Variants in OTC observed in about 807,000 individuals in gnomAD.
OTC encodes ornithine transcarbamylase, mitochondrial.
In OTC, 3 loss-of-function variants were observed where a neutral mutation model predicts 30.3. The observed-to-expected ratio is 0.10, with a 90% CI of 0.05 to 0.26. OTC has a LOEUF of 0.26. Ranked by LOEUF, OTC falls within the 10% of genes least tolerant of loss-of-function variation. OTC has a pLI of 1.00. For synonymous variants in OTC, 111 were observed against 99.7 expected (o/e 1.11, Z -0.67); for missense variants, 194 against 260.3 (o/e 0.75, Z 1.75).
upstream of OTC, among the ~76,000 whole-genome samples, chrX:38,348,897 G>C (rs2068201847): frequency 8.9e-6 from 1 of 111,752 alleles, no homozygotes; most frequent in South Asian, 3.7e-4. Context: ...TTGTTTTGAA[G>C]AGCTAGTTAT....
At chrX:38,362,925 T>C (rs1672380475) in intron 1 of OTC, among the ~76,000 whole-genome samples, 1 of 112,392 alleles carries the variant, frequency 8.9e-6, no homozygotes, top group African/African-American at 3.2e-5. Context: ...TCTATTTCTC[T>C]GAGATTCAAC....
intron 4 of OTC, among the ~76,000 whole-genome samples, chrX:38,385,195 G>T (rs901332114): frequency 9.0e-6 from 1 of 111,573 alleles, no homozygotes; most frequent in Non-Finnish European, 1.9e-5. Flanking sequence ...ACTTGAACCC[G>T]GGAGGTGGAG....
At chrX:38,352,344 G>A (rs757137572), upstream of OTC, among the ~76,000 whole-genome samples, 4 of 111,772 alleles carry the variant, frequency 3.6e-5, no homozygotes, top group Admixed American at 1.9e-4. Flanking sequence ...AGCCGGTACC[G>A]CAGTGCCTTG....
chrX:38,352,564 G>A (rs1165859734), upstream of OTC: 2 of 522,031 alleles, frequency 3.8e-6, no homozygotes, highest in African/African-American at 4.6e-5. Context: ...TGATAAGGAA[G>A]CTGAAGGGTG....
intron 4 of OTC, among the ~76,000 whole-genome samples, chrX:38,399,661 C>T (rs1376279442): frequency 2.7e-5 from 3 of 110,544 alleles, no homozygotes; most frequent in East Asian, 2.9e-4. Context: ...GTGAGAGAAT[C>T]GATTGTACCT....
intron 4 of OTC, among the ~76,000 whole-genome samples, chrX:38,385,910 C>G (rs2068400327): frequency 1.8e-5 from 2 of 110,663 alleles, no homozygotes; most frequent in African/African-American, 6.6e-5. Flanking sequence ...GCCTGGCCAA[C>G]ATGGTGAAAC....
intron 9 of OTC, among the ~76,000 whole-genome samples, chrX:38,413,323 T>C (rs2068552882): frequency 8.9e-6 from 1 of 112,286 alleles, no homozygotes; most frequent in Non-Finnish European, 1.9e-5. Context: ...ATTACCCTCA[T>C]TATCATCATC....
At chrX:38,406,014 A>G (rs2068514580) in intron 6 of OTC, among the ~76,000 whole-genome samples, 1 of 112,512 alleles carries the variant, frequency 8.9e-6, no homozygotes, top group Non-Finnish European at 1.9e-5. Flanking sequence ...TATTAACATC[A>G]AAGGAAAAAA....
Position 38,360,943 on chromosome X carries a change from A to G in OTC, c.78-6348A>G, listed in dbSNP as rs930249529. Among the ~76,000 whole-genome samples the G allele has an allele frequency of 1.7e-4, 19 of 112,339 alleles. No individual in the cohort carries two copies. In the East Asian group the frequency reaches 3.1e-3, roughly 18 times the overall value. ...TCATTCAGTTTGCATACAGACAGCA[A>G]AGAGTATATAGCTGTGCTGCCTCCT... On this transcript the variant is annotated intron_variant, in intron 1 of 9. Coordinates refer to ENST00000039007, the MANE Select transcript of OTC (RefSeq NM_000531.6).
chrX:38,403,502 T>C, intron 5 of OTC, 116 bp from the exon 6 acceptor site: 2 of 810,903 alleles, frequency 2.5e-6, no homozygotes, highest in Admixed American at 4.7e-5. Flanking sequence ...TGGGAATTCA[T>C]TCCTTCTAAC....
intron 1 of OTC, among the ~76,000 whole-genome samples, chrX:38,359,096 A>C (rs1381248474): frequency 8.9e-6 from 1 of 111,951 alleles, no homozygotes; most frequent in African/African-American, 3.3e-5. Context: ...AGTGTAGTCC[A>C]CTATTACTGT....
At chrX:38,402,843 C>G (rs1299271287) in intron 5 of OTC, among the ~76,000 whole-genome samples, 1 of 110,878 alleles carries the variant, frequency 9.0e-6, no homozygotes, top group Non-Finnish European at 1.9e-5. Flanking sequence ...GAGACAGAGT[C>G]TCACTCTGTC....
chrX:38,386,517 A>G (rs2068404044), intron 4 of OTC, among the ~76,000 whole-genome samples: 1 of 110,910 alleles, frequency 9.0e-6, no homozygotes, highest in African/African-American at 3.3e-5. Flanking sequence ...TATGTATTTG[A>G]CTATTTTAAT....
chrX:38,367,233 A>G, intron 1 of OTC, 58 bp from the exon 2 acceptor site: 3 of 1,007,500 alleles, frequency 3.0e-6, no homozygotes, highest in Non-Finnish European at 4.2e-6. Flanking sequence ...ATGAATCACC[A>G]TAGTACATGG....
intron 2 of OTC, among the ~76,000 whole-genome samples, chrX:38,368,937 G>A (rs933513011): frequency 5.5e-5 from 6 of 108,399 alleles, no homozygotes; most frequent in African/African-American, 2.0e-4. Flanking sequence ...GAAGAGGAAG[G>A]AGGAAGCGCC....
intron 4 of OTC, among the ~76,000 whole-genome samples, chrX:38,386,495 A>T (rs1013632561): frequency 4.5e-5 from 5 of 110,204 alleles, no homozygotes; most frequent in African/African-American, 1.6e-4. Context: ...CCACCATTCT[A>T]CTTTCTCCTT....
At chrX:38,404,507 G>A (rs779532730) in intron 6 of OTC, among the ~76,000 whole-genome samples, 3 of 111,994 alleles carry the variant, frequency 2.7e-5, no homozygotes, top group Non-Finnish European at 5.6e-5. Context: ...CGATGACTTT[G>A]TTGTTGTGGG....
chrX:38,371,017 C>G (rs745594061), intron 3 of OTC, among the ~76,000 whole-genome samples: 1 of 111,673 alleles, frequency 9.0e-6, no homozygotes, highest in South Asian at 3.8e-4. Flanking sequence ...ACAGGTTGTC[C>G]TCAGTTCTGG....
chrX:38,403,985 T>G (rs1295594771), intron 6 of OTC, among the ~76,000 whole-genome samples: 3 of 112,485 alleles, frequency 2.7e-5, no homozygotes, highest in Non-Finnish European at 3.8e-5. Context: ...GTTAAAAGCA[T>G]GTCTGAATTA....
Sources: gnomAD v4.1 joint callset for allele counts (sites outside exome capture counted in the v4.1 genomes callset) on GRCh38, gnomAD v4.1.1 for gene constraint, MANE v1.5 for transcripts, NCBI Gene and HGNC (gene_info 2026-07-23, HGNC 2026-07-21) for gene names.